Variants in PAX5 observed in about 807,000 individuals in gnomAD.
The protein encoded by PAX5 is paired box protein Pax-5.
A neutral mutation model predicts 43.7 loss-of-function variants in PAX5; 9 were observed. The observed-to-expected ratio is 0.21, with a 90% CI of 0.12 to 0.36. The LOEUF is 0.36. PAX5 is among the 10% of genes least tolerant of loss of function. The probability of loss-of-function intolerance (pLI) is 1.00; values close to 1 mark genes in which losing one functional copy is unlikely to be tolerated. For synonymous variants in PAX5, 228 were observed against 214.3 expected (o/e 1.06, Z -0.56); for missense variants, 383 against 532.7 (o/e 0.72, Z 2.77).
chr9:36,994,132 G>A (rs866263855), intron 5 of PAX5, among the ~76,000 whole-genome samples: 1 of 152,176 alleles, frequency 6.6e-6, no homozygotes, highest in Non-Finnish European at 1.5e-5. Flanking sequence ...GGCCCCAGGA[G>A]CCCCTCCAAT....
At position 37,034,098 on chromosome 9, in the gene PAX5, C is replaced by CTTTCTTTTTTTTTTTT. The variant is rs1841297179; in HGVS notation, c.-68_-67insAAAAAAAAAAAAGAAA. ...TCCACTTTTTTGTGCCTTTTTTTTTCTTTTTTTTTTTTTTTTTTTTTTTTT... is the reference window on the plus strand; with the variant it reads ...TCCACTTTTTTGTGCCTTTTTTTTTCTTTCTTTTTTTTTTTTTTTTTTTTTTTTTTTTTTTTTTTTT... On this transcript the variant is annotated 5_prime_UTR_variant, in exon 1 of 10. Coordinates refer to ENST00000358127, the MANE Select transcript of PAX5 (RefSeq NM_016734.3). 78 of 320,104 alleles carry CTTTCTTTTTTTTTTTT rather than the reference C, an allele frequency of 2.4e-4. 2 individuals are homozygous for CTTTCTTTTTTTTTTTT. The African/African-American group carries it at 3.1e-3, about 13-fold the overall frequency. 19.8% of individuals were successfully genotyped at this position (320,104 alleles called of 1,614,324 possible).
chr9:36,845,078 C>T (rs1371292277), intron 9 of PAX5, among the ~76,000 whole-genome samples: 1 of 152,216 alleles, frequency 6.6e-6, no homozygotes, highest in Non-Finnish European at 1.5e-5. Flanking sequence ...CCACTTGTCC[C>T]CTTGGGCAGT....
At chr9:36,869,086 T>A (rs1825175677) in intron 8 of PAX5, among the ~76,000 whole-genome samples, 1 of 152,174 alleles carries the variant, frequency 6.6e-6, no homozygotes, top group Non-Finnish European at 1.5e-5. Flanking sequence ...TGCCAGAAGT[T>A]CTCTGGATAG....
chr9:36,990,713 A>G (rs1836858459), intron 5 of PAX5, among the ~76,000 whole-genome samples: 1 of 152,268 alleles, frequency 6.6e-6, no homozygotes, highest in Non-Finnish European at 1.5e-5. Flanking sequence ...AGTGACCTTG[A>G]GCAAACGCTT....
intron 5 of PAX5, among the ~76,000 whole-genome samples, chr9:36,980,576 A>G (rs973345431): frequency 2.0e-5 from 3 of 152,140 alleles, no homozygotes; most frequent in Non-Finnish European, 2.9e-5. Context: ...TTGTCTGATG[A>G]TATCAATACA....
chr9:37,011,076 G>T (rs888041030), intron 3 of PAX5, among the ~76,000 whole-genome samples: 15 of 149,774 alleles, frequency 1.0e-4, no homozygotes, highest in African/African-American at 3.7e-4. Flanking sequence ...AACCATGATT[G>T]TGCCTCTGCA....
intron 7 of PAX5, among the ~76,000 whole-genome samples, chr9:36,892,080 C>G (rs1359832727): frequency 6.6e-6 from 1 of 152,192 alleles, no homozygotes; most frequent in Non-Finnish European, 1.5e-5. Context: ...GCCCCCGGAA[C>G]CAGCAACTGT....
intron 8 of PAX5, among the ~76,000 whole-genome samples, chr9:36,849,281 T>C (rs548329746): frequency 8.5e-5 from 13 of 152,372 alleles, no homozygotes; most frequent in African/African-American, 3.1e-4. Flanking sequence ...CCTTCCCTGA[T>C]CACTGTGTTT....
chr9:36,974,263 G>A (rs749196673), intron 5 of PAX5, among the ~76,000 whole-genome samples: 3 of 152,158 alleles, frequency 2.0e-5, no homozygotes, highest in Non-Finnish European at 4.4e-5. Context: ...CTCCTTGTGC[G>A]AGACTGAGAG....
At chr9:37,020,908 G>T (rs1272747839) in intron 1 of PAX5, 107 bp from the exon 2 acceptor site, 2 of 1,218,454 alleles carry the variant, frequency 1.6e-6, no homozygotes, top group Non-Finnish European at 2.3e-6. Context: ...CAAATGGCCG[G>T]CAGGCTGGAT....
chr9:37,019,914 G>T (rs1024818109), intron 2 of PAX5, among the ~76,000 whole-genome samples: 2 of 152,074 alleles, frequency 1.3e-5, no homozygotes, highest in African/African-American at 4.8e-5. Context: ...TGCCTGTCTA[G>T]GTTTGTTTTC....
intron 7 of PAX5, among the ~76,000 whole-genome samples, chr9:36,883,994 T>TA (rs138434083): frequency 0.072 from 10,950 of 151,860 alleles, 432 homozygotes; most frequent in South Asian, 0.16. Flanking sequence ...TAGAAAAAGT[T>TA]TAAAAAAAAA....
At chr9:37,025,585 C>T (rs1840262965) in intron 1 of PAX5, among the ~76,000 whole-genome samples, 1 of 152,206 alleles carries the variant, frequency 6.6e-6, no homozygotes, top group Non-Finnish European at 1.5e-5. Flanking sequence ...AAAGGAAACG[C>T]GATTCGTTCC....
At chr9:36,958,523 A>G (rs1053988848) in intron 6 of PAX5, among the ~76,000 whole-genome samples, 2 of 152,190 alleles carry the variant, frequency 1.3e-5, no homozygotes, top group Admixed American at 1.3e-4. Flanking sequence ...GAAGCCGTGC[A>G]TGATGGGGCC....
At chr9:37,004,280 G>A (rs1838196736) in intron 4 of PAX5, among the ~76,000 whole-genome samples, 1 of 152,252 alleles carries the variant, frequency 6.6e-6, no homozygotes, top group South Asian at 2.1e-4. Context: ...TTCCTAGGGA[G>A]AGACCAGTCC....
intron 7 of PAX5, among the ~76,000 whole-genome samples, chr9:36,889,947 G>GT (rs1027109430): frequency 2.1e-5 from 3 of 144,230 alleles, no homozygotes; most frequent in Non-Finnish European, 4.6e-5. Flanking sequence ...CTAACGGGGG[G>GT]GGGGGGAATG....
intron 8 of PAX5, among the ~76,000 whole-genome samples, chr9:36,873,166 G>A (rs956668836): frequency 6.6e-6 from 1 of 152,198 alleles, no homozygotes; most frequent in Non-Finnish European, 1.5e-5. Context: ...AGCAGACTCA[G>A]TGGTCCCCCT....
chr9:36,948,733 A>G (rs146337273), intron 6 of PAX5, among the ~76,000 whole-genome samples: 1 of 152,110 alleles, frequency 6.6e-6, no homozygotes, highest in Non-Finnish European at 1.5e-5. Flanking sequence ...TGCAGGTCAG[A>G]TAGGGCCTTC....
At chr9:37,011,637 T>C (rs767868484) in intron 3 of PAX5, among the ~76,000 whole-genome samples, 4 of 152,194 alleles carry the variant, frequency 2.6e-5, no homozygotes, top group Admixed American at 1.3e-4. Context: ...CAAGGTGATC[T>C]GTGTCCCAGG....
Sources: allele counts gnomAD v4.1 joint callset (sites outside exome capture counted in the v4.1 genomes callset), GRCh38; gene constraint gnomAD v4.1.1; transcripts MANE v1.5; gene names NCBI Gene and HGNC (gene_info 2026-07-23, HGNC 2026-07-21).